Variants in MCU observed in about 807,000 individuals in gnomAD.
MCU encodes calcium uniporter protein, mitochondrial.
In MCU, 12 loss-of-function variants were observed where a neutral mutation model predicts 45.2. That is an observed-to-expected ratio of 0.27 (90% CI 0.17 to 0.43). The LOEUF is 0.43. MCU is among the 20% of genes least tolerant of loss of function. The pLI is 1.00. For synonymous variants in MCU, 160 were observed against 165.1 expected, an observed-to-expected ratio of 0.97 and a Z score of 0.24; for missense variants, 324 against 436.7, an observed-to-expected ratio of 0.74 and a Z score of 2.30.
At chr10:72,729,728 T>TA (rs977161771) in intron 1 of MCU, among the ~76,000 whole-genome samples, 1 of 152,152 alleles carries the variant, frequency 6.6e-6, no homozygotes, top group Non-Finnish European at 1.5e-5. Context: ...AATACTCAGT[T>TA]ACTCAACCTT....
chr10:72,710,543 GTTTTTTTTTT>G (rs555887994), intron 1 of MCU, among the ~76,000 whole-genome samples: 29 of 84,290 alleles, frequency 3.4e-4, no homozygotes, highest in African/African-American at 9.0e-4. Flanking sequence ...ATCACCTAAG[GTTTTTTTTTT>G]TTTTTTTTTT....
At chr10:72,732,618 G>A (rs1174928056) in intron 1 of MCU, among the ~76,000 whole-genome samples, 1 of 152,210 alleles carries the variant, frequency 6.6e-6, no homozygotes, top group Admixed American at 6.5e-5. Context: ...TACAACTTCT[G>A]AGTGTGTCAA....
At chr10:72,774,513 A>G (rs1217150688) in intron 1 of MCU, among the ~76,000 whole-genome samples, 1 of 152,152 alleles carries the variant, frequency 6.6e-6, no homozygotes, top group Non-Finnish European at 1.5e-5. Context: ...ATCAGAAAAT[A>G]AGCCACAAAA....
chr10:72,694,234 A>T (rs964205018), intron 1 of MCU, among the ~76,000 whole-genome samples: 1 of 152,228 alleles, frequency 6.6e-6, no homozygotes, highest in East Asian at 1.9e-4. Flanking sequence ...TTTTTCTACA[A>T]TTCTTCTGAA....
intron 1 of MCU, chr10:72,736,501 C>T (rs1015661732): frequency 2.6e-5 from 4 of 152,070 alleles, no homozygotes; most frequent in African/African-American, 9.7e-5. Flanking sequence ...CTGTTATATC[C>T]CCCAGAGACC....
chr10:72,859,095 C>T lies in MCU; in HGVS notation c.221-82C>T, dbSNP rs779126298. 7 of 1,258,494 alleles carry T rather than the reference C, an allele frequency of 5.6e-6. No individual in the cohort carries two copies. In the Admixed American group the frequency reaches 7.5e-5, roughly 13 times the overall value. The allele number at this position is 1,258,494 out of a possible 1,614,324, so 78.0% of individuals were successfully genotyped here. A position where few individuals can be genotyped will look rare whatever the true frequency, so the allele number is the denominator to read the frequency against. ...ATTTTAAATCACACTAATAATAGACCCCCATGCAAGAATGGTAATAATGTG... is the reference window on the plus strand; with the variant it reads ...ATTTTAAATCACACTAATAATAGACTCCCATGCAAGAATGGTAATAATGTG... On this transcript the variant is annotated intron_variant, in intron 2 of 7. Coordinates refer to ENST00000373053, the MANE Select transcript of MCU (RefSeq NM_138357.3).
intron 6 of MCU, among the ~76,000 whole-genome samples, chr10:72,875,396 C>G (rs1423571218): frequency 6.6e-6 from 1 of 152,154 alleles, no homozygotes; most frequent in East Asian, 1.9e-4. Flanking sequence ...AATGCCCTAC[C>G]TGTCCTACTA....
intron 2 of MCU, among the ~76,000 whole-genome samples, chr10:72,848,209 A>G (rs1335761208): frequency 6.6e-6 from 1 of 152,176 alleles, no homozygotes; most frequent in South Asian, 2.1e-4. Context: ...ATGCAGAGGT[A>G]ATCTCATCAT....
At chr10:72,702,990 A>G (rs113893573) in intron 1 of MCU, among the ~76,000 whole-genome samples, 156 of 39,898 alleles carry the variant, frequency 3.9e-3, no homozygotes, top group African/African-American at 7.0e-3. Flanking sequence ...AAAAAAGAAA[A>G]AAAAAAAAAA....
intron 1 of MCU, among the ~76,000 whole-genome samples, chr10:72,823,090 T>C (rs1844739011): frequency 6.6e-6 from 1 of 152,152 alleles, no homozygotes; most frequent in Admixed American, 6.5e-5. Context: ...TTATTCATAA[T>C]AGCTAAAAAG....
intron 5 of MCU, among the ~76,000 whole-genome samples, chr10:72,869,368 T>A (rs1391000091): frequency 6.6e-6 from 1 of 152,226 alleles, no homozygotes; most frequent in African/African-American, 2.4e-5. Context: ...GCAGATCACC[T>A]GAGGTCAGGA....
Position 72,692,182 on chromosome 10 carries a change from C to G in MCU, c.31C>G (p.Leu11Val). Reference protein sequence around the residue: MAAAAGRSLLLLLSSRGGGGG... With the variant: MAAAAGRSLLVLLSSRGGGGG... ...GGCCGCCGCAGGTAGATCGCTCCTGCTGCTCCTCTCCTCTCGGGGCGGCGG... is the reference window on the plus strand; with the variant it reads ...GGCCGCCGCAGGTAGATCGCTCCTGGTGCTCCTCTCCTCTCGGGGCGGCGG... The change falls in exon 1 of 8, where the codon CTG becomes GTG. Residue 11 changes from leucine (L) to valine (V), a missense_variant. Leu to Val is a conservative substitution (Grantham distance 32). This residue lies in a region of MCU where 111 missense variants were observed against 112.3 expected (regional missense o/e 0.99). Coordinates refer to ENST00000373053, the MANE Select transcript of MCU (RefSeq NM_138357.3). The G allele has an allele frequency of 7.8e-7, 1 of 1,281,800 alleles. No homozygotes were observed. The allele number at this position is 1,281,800 out of a possible 1,614,324, so 79.4% of individuals were successfully genotyped here.
At chr10:72,799,725 C>G (rs1318468943) in intron 1 of MCU, among the ~76,000 whole-genome samples, 1 of 152,044 alleles carries the variant, frequency 6.6e-6, no homozygotes. Context: ...AAAGGTAAAG[C>G]AAAACCCATG....
At chr10:72,872,010 TTAAAC>T (rs1472436071) in intron 6 of MCU, among the ~76,000 whole-genome samples, 1 of 152,198 alleles carries the variant, frequency 6.6e-6, no homozygotes, top group Non-Finnish European at 1.5e-5. Flanking sequence ...AATCAAATAC[TTAAAC>T]TAAACTCAGA....
At chr10:72,867,509 C>T (rs111425390) in intron 4 of MCU, among the ~76,000 whole-genome samples, 1 of 152,142 alleles carries the variant, frequency 6.6e-6, no homozygotes, top group African/African-American at 2.4e-5. Context: ...CTTTCATCAA[C>T]AGGAATGAAT....
rs570191676 is a variant in MCU at position 72,873,055 on chromosome 10, A to G, written c.861+1475A>G. 3.6e-4 allele frequency among the ~76,000 whole-genome samples: 39 copies of G among 108,772 alleles called. No homozygotes were observed. In the South Asian group the frequency reaches 9.4e-3, roughly 26 times the overall value. The allele number at this position is 108,772 out of a possible 152,430, so 71.4% of individuals were successfully genotyped here. On this transcript the variant is annotated intron_variant, in intron 6 of 7. Coordinates refer to ENST00000373053, the MANE Select transcript of MCU (RefSeq NM_138357.3). Reference sequence around the variant, plus strand: ...TTTTTTTGAGATGGAGTCTCGCTCTATTGCCCAGGCTGGAGTACAATGGCA... The same window carrying G: ...TTTTTTTGAGATGGAGTCTCGCTCTGTTGCCCAGGCTGGAGTACAATGGCA...
intron 1 of MCU, among the ~76,000 whole-genome samples, chr10:72,804,321 T>C (rs573013046): frequency 6.6e-6 from 1 of 151,656 alleles, no homozygotes; most frequent in African/African-American, 2.4e-5. Context: ...ACTCCCAACC[T>C]CAGGTGATCT....
intron 1 of MCU, among the ~76,000 whole-genome samples, chr10:72,724,900 C>T (rs1379327028): frequency 2.6e-5 from 4 of 152,164 alleles, no homozygotes; most frequent in Admixed American, 6.6e-5. Flanking sequence ...GTTGAATAAA[C>T]GAATCTTTGG....
chr10:72,749,601 AG>A (rs1843464793), intron 1 of MCU, among the ~76,000 whole-genome samples: 1 of 152,136 alleles, frequency 6.6e-6, no homozygotes, highest in Non-Finnish European at 1.5e-5. Context: ...AGGTTCTTAA[AG>A]GGGGTTAGGA....
Sources: allele counts gnomAD v4.1 joint callset (sites outside exome capture counted in the v4.1 genomes callset), GRCh38; gene constraint gnomAD v4.1.1; regional missense constraint gnomAD v4.1.1; transcripts MANE v1.5; gene names NCBI Gene and HGNC (gene_info 2026-07-23, HGNC 2026-07-21).